Variants in CAMK1D observed in about 807,000 individuals in gnomAD.
CAMK1D encodes the protein calcium/calmodulin dependent protein kinase ID.
In CAMK1D, 9 loss-of-function variants were observed where a neutral mutation model predicts 47.7. The ratio of observed to expected loss-of-function variants is 0.19; its 90% CI spans 0.11 to 0.33. The LOEUF is 0.33. Among genes scored for constraint, CAMK1D ranks in the 10% least tolerant of loss-of-function variants. CAMK1D has a pLI of 1.00. For missense variants in CAMK1D, 291 were observed against 488.7 expected, an observed-to-expected ratio of 0.60 and a Z score of 3.81; for synonymous variants, 184 against 184.9, an observed-to-expected ratio of 0.99 and a Z score of 0.04.
At chr10:12,384,166 A>T (rs1199544153) in intron 1 of CAMK1D, among the ~76,000 whole-genome samples, 1 of 152,262 alleles carries the variant, frequency 6.6e-6, no homozygotes, top group African/African-American at 2.4e-5. Context: ...CAAGCCTTGC[A>T]CATTGCAAAC....
At chr10:12,584,963 C>A (rs1837772174) in intron 2 of CAMK1D, among the ~76,000 whole-genome samples, 1 of 152,152 alleles carries the variant, frequency 6.6e-6, no homozygotes, top group South Asian at 2.1e-4. Flanking sequence ...AAAAAGCTAA[C>A]CAACAAAAAT....
intron 5 of CAMK1D, among the ~76,000 whole-genome samples, chr10:12,785,013 T>C (rs1837662704): frequency 6.6e-6 from 1 of 152,122 alleles, no homozygotes; most frequent in South Asian, 2.1e-4. Context: ...TTACAGGATT[T>C]TGATGAATGC....
intron 3 of CAMK1D, among the ~76,000 whole-genome samples, chr10:12,724,049 C>T (rs755896894): frequency 7.9e-5 from 12 of 152,166 alleles, no homozygotes; most frequent in Non-Finnish European, 1.8e-4. Flanking sequence ...AGTGCAGTGG[C>T]GTGATCCCAG....
At chr10:12,797,196 C>CTTTTTTT (rs66641899) in intron 6 of CAMK1D, among the ~76,000 whole-genome samples, 6 of 137,546 alleles carry the variant, frequency 4.4e-5, no homozygotes, top group Non-Finnish European at 4.7e-5. Context: ...TGACCAGTTC[C>CTTTTTTT]TTTTTTTTTT....
At chr10:12,417,557 G>T (rs1211480944) in intron 1 of CAMK1D, among the ~76,000 whole-genome samples, 1 of 152,188 alleles carries the variant, frequency 6.6e-6, no homozygotes, top group Non-Finnish European at 1.5e-5. Context: ...TGGGGAGATG[G>T]CTTGGCCCTG....
At chr10:12,430,576 A>AT (rs1832437779) in intron 1 of CAMK1D, among the ~76,000 whole-genome samples, 1 of 152,142 alleles carries the variant, frequency 6.6e-6, no homozygotes, top group African/African-American at 2.4e-5. Flanking sequence ...TACATTGCTG[A>AT]TTTTGCAAAC....
chr10:12,731,810 G>T (rs1369692777), intron 3 of CAMK1D, among the ~76,000 whole-genome samples: 1 of 152,188 alleles, frequency 6.6e-6, no homozygotes, highest in Admixed American at 6.5e-5. Context: ...AAGATTGAAG[G>T]TGGAGATCAG....
At chr10:12,800,997 G>A (rs181534944) in intron 6 of CAMK1D, among the ~76,000 whole-genome samples, 1 of 152,108 alleles carries the variant, frequency 6.6e-6, no homozygotes, top group South Asian at 2.1e-4. Flanking sequence ...GTAGAGTGTG[G>A]GACATTGGGG....
At chr10:12,815,582 G>T (rs1247794044) in intron 7 of CAMK1D, among the ~76,000 whole-genome samples, 1 of 152,246 alleles carries the variant, frequency 6.6e-6, no homozygotes, top group Non-Finnish European at 1.5e-5. Context: ...TTGAGGGGCC[G>T]CACCCTGCAG....
At chr10:12,360,505 T>C (rs76863940) in intron 1 of CAMK1D, among the ~76,000 whole-genome samples, 4,757 of 152,232 alleles carry the variant, frequency 0.031, 263 homozygotes, top group African/African-American at 0.11. Flanking sequence ...TCCTTAACCT[T>C]GAAAGAAGAC....
At chr10:12,542,066 A>G (rs1225465084) in intron 1 of CAMK1D, among the ~76,000 whole-genome samples, 1 of 151,752 alleles carries the variant, frequency 6.6e-6, no homozygotes, top group Non-Finnish European at 1.5e-5. Flanking sequence ...TCTGGTAGAG[A>G]TGGGGTTTTA....
intron 1 of CAMK1D, among the ~76,000 whole-genome samples, chr10:12,504,856 T>C (rs1210889978): frequency 2.0e-5 from 3 of 152,180 alleles, no homozygotes; most frequent in African/African-American, 7.2e-5. Context: ...AGCCTCAGGT[T>C]CCATGACCCC....
Position 12,456,500 on chromosome 10 carries a change from A to C in CAMK1D, c.93-96725A>C, listed in dbSNP as rs1443534515. 2.0e-5 allele frequency: 3 copies of C among 152,222 alleles called. No individual in the cohort carries two copies. The South Asian group carries it at 6.2e-4, about 32-fold the overall frequency. The allele number at this position is 152,222 out of a possible 1,614,324, so 9.4% of individuals were successfully genotyped here. ...AAGATCCCGTGTTTTATGAAAGTAA[A>C]GAAATAGGTTAACAGTCCCCGTGAC... On this transcript the variant is annotated intron_variant, in intron 1 of 10. Transcript: ENST00000619168.
At chr10:12,556,147 T>G (rs1836753969) in intron 2 of CAMK1D, among the ~76,000 whole-genome samples, 1 of 152,204 alleles carries the variant, frequency 6.6e-6, no homozygotes, top group African/African-American at 2.4e-5. Context: ...CTGACTTTTT[T>G]TTTTGGTCCT....
intron 5 of CAMK1D, among the ~76,000 whole-genome samples, chr10:12,782,242 C>T (rs1209112775): frequency 6.6e-6 from 1 of 152,168 alleles, no homozygotes; most frequent in Non-Finnish European, 1.5e-5. Flanking sequence ...GAAGCAGCAG[C>T]TGTTTATCAA....
chr10:12,675,070 C>T (rs1306575122), intron 3 of CAMK1D, among the ~76,000 whole-genome samples: 2 of 150,042 alleles, frequency 1.3e-5, no homozygotes, highest in Non-Finnish European at 3.0e-5. Flanking sequence ...TCCATATATT[C>T]GGAGATAAGA....
chr10:12,804,982 C>T lies in CAMK1D; in HGVS notation c.642-9213C>T, dbSNP rs917974962. 6.0e-5 allele frequency among the ~76,000 whole-genome samples: 9 copies of T among 149,328 alleles called. No homozygotes were observed. In the East Asian group the frequency reaches 1.2e-3, roughly 20 times the overall value. ...AAAAGATACAAAAAAAATACTAGGC[C>T]GGGCGCGGTGGCTCACGCCTATAAT... On this transcript the variant is annotated intron_variant, in intron 6 of 10. Transcript: ENST00000619168.
chr10:12,635,600 T>G (rs997183737), intron 2 of CAMK1D, among the ~76,000 whole-genome samples: 1 of 152,152 alleles, frequency 6.6e-6, no homozygotes, highest in African/African-American at 2.4e-5. Flanking sequence ...GCCCTCTGCC[T>G]TTCAGATCTA....
At chr10:12,420,622 AT>A (rs1214091191) in intron 1 of CAMK1D, among the ~76,000 whole-genome samples, 2 of 152,042 alleles carry the variant, frequency 1.3e-5, no homozygotes, top group African/African-American at 4.8e-5. Context: ...GGGATTCTGC[AT>A]ATTTCTAACA....
Sources: gnomAD v4.1 joint callset for allele counts (sites outside exome capture counted in the v4.1 genomes callset) on GRCh38, gnomAD v4.1.1 for gene constraint, MANE v1.5 for transcripts, NCBI Gene and HGNC (gene_info 2026-07-23, HGNC 2026-07-21) for gene names.